The following MYO1A variants were observed in gnomAD, a reference collection of about 807,000 sequenced individuals.
MYO1A encodes unconventional myosin-Ia.
Under a neutral mutation model 138.5 loss-of-function variants are expected in MYO1A, and 127 were observed. The observed-to-expected ratio is 0.92, with a 90% CI of 0.79 to 1.06. The LOEUF (loss-of-function observed/expected upper bound fraction) is 1.06. Ranked by LOEUF, MYO1A falls within the 50% of genes least tolerant of loss-of-function variation. The pLI is 0.00. For synonymous variants in MYO1A, 477 were observed against 497.5 expected, an observed-to-expected ratio of 0.96 and a Z score of 0.55; for missense variants, 1,211 against 1,288.8, an observed-to-expected ratio of 0.94 and a Z score of 0.92.
At chr12:57,030,142 A>T in intron 24 of MYO1A, 68 bp downstream of exon 24, 2 of 1,406,218 alleles carry the variant, frequency 1.4e-6, no homozygotes, top group Non-Finnish European at 2.0e-6. Flanking sequence ...AGGTGATTCT[A>T]AGGCACGCTC....
rs1250515181 is a variant in MYO1A at position 57,048,317 on chromosome 12, G to A, written c.7C>T (p.Leu3Phe). 2 of 1,613,416 alleles carry A rather than the reference G, an allele frequency of 1.2e-6. No individual in the cohort carries two copies. The highest frequency in any genetic ancestry group is 2.2e-5 in the East Asian group (1 of 44,878). MP[L>F]LEGSVGVEDL... is the part of the protein sequence containing the mutation. ...TCCACCCCCACAGAACCTTCCAGGA[G>A]AGGCATGTCCAGAGGGGCCACTGAT... is the stretch of plus-strand genomic sequence containing the variant. Residue 3 changes from leucine to phenylalanine, a missense_variant, in exon 2 of 28, where the codon CTC becomes TTC. Leu to Phe is a conservative substitution (Grantham distance 22). Coordinates refer to ENST00000300119, the MANE Select transcript of MYO1A (RefSeq NM_005379.4).
chr12:57,036,754 T>C lies in MYO1A; in HGVS notation c.2274+18A>G. ...AGGAGAAACAATGTGAGGAAACCTC[T>C]CTTCCACTCTCCATTACCTTCCACC... On this transcript the variant is annotated intron_variant, in intron 21 of 27. Coordinates refer to ENST00000300119, the MANE Select transcript of MYO1A (RefSeq NM_005379.4). The C allele has an allele frequency of 6.2e-7, 1 of 1,613,808 alleles. No individual in the cohort carries two copies. Among genetic ancestry groups the C allele is most frequent in the Non-Finnish European group, 8.5e-7 (1 of 1,179,720 alleles).
At chr12:57,040,644 T>C (rs2030816524) in intron 14 of MYO1A, among the ~76,000 whole-genome samples, 1 of 152,220 alleles carries the variant, frequency 6.6e-6, no homozygotes. Flanking sequence ...GGAACATCCC[T>C]GGGAGGGTTT....
chr12:57,044,497 T>C (rs781227867), intron 8 of MYO1A, among the ~76,000 whole-genome samples: 1 of 152,200 alleles, frequency 6.6e-6, no homozygotes, highest in South Asian at 2.1e-4. Flanking sequence ...CAAGTGATTC[T>C]CATGCCTCAG....
Position 57,043,302 on chromosome 12 carries a change from A to G in MYO1A, c.949T>C (p.Leu317=). 1.2e-6 allele frequency: 2 copies of G among 1,614,152 alleles called. No homozygotes were observed. The highest frequency in any genetic ancestry group is 1.7e-6 in the Non-Finnish European group (2 of 1,180,024). The change falls in exon 11 of 28, where the codon TTG becomes CTG. Residue 317 remains leucine, a synonymous_variant. Transcript: ENST00000300119. ...GCTGTTTCCATGGTCCTCGAGCACA[A>G]AGCTCTCTCTACTTCTTCTGAATTC... ...GLNSEEVERA[L]CSRTMETAKE...
At chr12:57,042,916 G>A (rs1271274093) in intron 12 of MYO1A, among the ~76,000 whole-genome samples, 156 bp downstream of exon 12, 1 of 152,214 alleles carries the variant, frequency 6.6e-6, no homozygotes, top group South Asian at 2.1e-4. Context: ...TCAAAAGCCA[G>A]TGATGTTTCC....
At chr12:57,049,574 G>A (rs1030041172) in intron 1 of MYO1A, among the ~76,000 whole-genome samples, 4 of 152,188 alleles carry the variant, frequency 2.6e-5, no homozygotes, top group Admixed American at 6.5e-5. Flanking sequence ...ATCATGCAGC[G>A]TTTACCACGA....
intron 9 of MYO1A, 30 bp downstream of exon 9, chr12:57,044,076 G>T: frequency 6.2e-7 from 1 of 1,614,072 alleles, no homozygotes; most frequent in Non-Finnish European, 8.5e-7. Flanking sequence ...TGACCTAAGG[G>T]CCCAAGCCTG....
At position 57,037,871 on chromosome 12, in the gene MYO1A, G is replaced by A. The variant is rs751830431; in HGVS notation, c.1959C>T (p.Asp653=). The stretch of plus-strand genomic sequence containing the variant: ...CCAGTCTCCCCATGGGGTCTTACCG[G>A]TCTCCCCCATTCCAGTGAGGCCAGG... ...RSTWPHWNGG[D]REGVEKVLGE... Residue 653 remains aspartate, a splice_region_variant and synonymous_variant, in exon 18 of 28, where the codon GAC becomes GAT. Transcript: ENST00000300119. The A allele has an allele frequency of 3.1e-6, 5 of 1,613,928 alleles. No homozygotes were observed. In the South Asian group the frequency reaches 5.5e-5, roughly 18 times the overall value.
chr12:57,043,972 T>C lies in MYO1A; in HGVS notation c.776A>G (p.Glu259Gly). The change falls in exon 10 of 28, where the codon GAG (glutamate) becomes GGG (glycine). Residue 259 changes from glutamate to glycine, a missense_variant. Transcript: ENST00000300119. ...CACCTCTAGCACTTGTCGAATCTCC[T>C]CCTCCGAGAACCCAATCACTGCCAT... ...SAMAVIGFSE[E>G]EIRQVLEVTS... The C allele has an allele frequency of 1.2e-6, 2 of 1,613,982 alleles. No individual in the cohort carries two copies. Among genetic ancestry groups the C allele is most frequent in the Non-Finnish European group, 8.5e-7 (1 of 1,179,946 alleles).
At chr12:57,039,460 G>A (rs904093652) in intron 14 of MYO1A, 186 bp from the exon 15 acceptor site, 2 of 634,158 alleles carry the variant, frequency 3.2e-6, no homozygotes, top group African/African-American at 3.6e-5. Flanking sequence ...TTGTGGGGTG[G>A]GTAGACAGAC....
rs749993226 is a variant in MYO1A at position 57,044,138 on chromosome 12, T to C, written c.712A>G (p.Met238Val). The C allele has an allele frequency of 4.3e-6, 7 of 1,614,054 alleles. No individual in the cohort carries two copies. The highest frequency in any genetic ancestry group is 4.0e-5 in the African/African-American group (3 of 74,912). Residue 238 changes from methionine to valine, a missense_variant, in exon 9 of 28, where the codon ATG (methionine) becomes GTG (valine). Met to Val is a conservative substitution (Grantham distance 21). Coordinates refer to ENST00000300119, the MANE Select transcript of MYO1A (RefSeq NM_005379.4). ...LNHEVSRVDG[M>V]DDASSFRAVQ... ...GCCCTGAAGCTGGAGGCGTCGTCCA[T>C]GCCATCCACTCTGGATACTTCATGA... is the stretch of plus-strand genomic sequence containing the variant.
Position 57,038,640 on chromosome 12 carries a change from T to C in MYO1A, c.1534-2A>G. ...AAAGCTGGTCACGTTGTATGTCACC[T>C]GTAAAGGAGCAGCTATTGGTTTGGA... is the stretch of plus-strand genomic sequence containing the variant. On this transcript the variant is annotated splice_acceptor_variant, in intron 16 of 27. Coordinates refer to ENST00000300119, the MANE Select transcript of MYO1A (RefSeq NM_005379.4). LOFTEE classifies it high-confidence loss of function. The C allele has an allele frequency of 6.2e-7, 1 of 1,614,116 alleles. No homozygotes were observed. The highest frequency in any genetic ancestry group is 1.3e-5 in the African/African-American group (1 of 75,060).
intron 23 of MYO1A, 50 bp from the exon 24 acceptor site, chr12:57,030,366 G>A: frequency 7.1e-7 from 1 of 1,418,398 alleles, no homozygotes; most frequent in South Asian, 1.1e-5. Flanking sequence ...GGAGGGCAGG[G>A]CTGGGGAGGG....
chr12:57,036,047 G>C (rs1421596398), intron 22 of MYO1A, among the ~76,000 whole-genome samples: 2 of 152,222 alleles, frequency 1.3e-5, no homozygotes, highest in African/African-American at 4.8e-5. Flanking sequence ...ACCAGATGGT[G>C]GGTGTGCTGA....
chr12:57,048,572 G>T (rs766370149), intron 1 of MYO1A, among the ~76,000 whole-genome samples: 1 of 152,214 alleles, frequency 6.6e-6, no homozygotes, highest in Non-Finnish European at 1.5e-5. Context: ...TACAGTTGGT[G>T]GGGGTGGGGC....
intron 14 of MYO1A, chr12:57,039,521 T>C: frequency 1.9e-6 from 1 of 523,694 alleles, no homozygotes; most frequent in Non-Finnish European, 3.5e-6. Context: ...AATGCAGAGA[T>C]CCCTGTAGGT....
intron 14 of MYO1A, among the ~76,000 whole-genome samples, chr12:57,040,632 A>T (rs2030815402): frequency 1.3e-5 from 2 of 152,226 alleles, no homozygotes; most frequent in Non-Finnish European, 1.5e-5. Flanking sequence ...AGAGCTCACA[A>T]GGGAACATCC....
At chr12:57,030,063 C>A in intron 24 of MYO1A, 147 bp downstream of exon 24, 1 of 1,244,950 alleles carries the variant, frequency 8.0e-7, no homozygotes, top group Non-Finnish European at 1.2e-6. Flanking sequence ...AATTTTGGTC[C>A]TCACCCCAAG....
Sources: gnomAD v4.1 joint callset for allele counts (sites outside exome capture counted in the v4.1 genomes callset) on GRCh38, gnomAD v4.1.1 for gene constraint, MANE v1.5 for transcripts, NCBI Gene and HGNC (gene_info 2026-07-23, HGNC 2026-07-21) for gene names.